SVOPL: variants seen among roughly 807,000 people sequenced by gnomAD.
SVOPL encodes the protein SVOP like.
A neutral mutation model predicts 61.0 loss-of-function variants in SVOPL; 60 were observed. The observed-to-expected ratio is 0.98, with a 90% CI of 0.80 to 1.22. SVOPL has a LOEUF of 1.22. Among genes scored for constraint, SVOPL ranks in the 50% most tolerant of loss-of-function variants. SVOPL has a pLI of 0.00. For missense variants in SVOPL, 662 were observed against 643.9 expected, an observed-to-expected ratio of 1.03 and a Z score of -0.30; for synonymous variants, 279 against 250.0, an observed-to-expected ratio of 1.12 and a Z score of -1.09.
intron 3 of SVOPL, among the ~76,000 whole-genome samples, chr7:138,674,163 G>A (rs902024626): frequency 6.6e-6 from 1 of 151,220 alleles, no homozygotes; most frequent in Middle Eastern, 3.4e-3. Context: ...ACTCCAGCCT[G>A]AGCAACAGAA....
At chr7:138,600,351 G>T (rs755915092) in intron 14 of SVOPL, among the ~76,000 whole-genome samples, 1 of 152,170 alleles carries the variant, frequency 6.6e-6, no homozygotes, top group African/African-American at 2.4e-5. Flanking sequence ...TAACTGTAGA[G>T]CTTTGGGCAG....
intron 9 of SVOPL, among the ~76,000 whole-genome samples, chr7:138,633,653 C>T (rs183543563): frequency 4.2e-4 from 64 of 152,180 alleles, no homozygotes; most frequent in Non-Finnish European, 7.2e-4. Flanking sequence ...CACACTGCTC[C>T]AGTTATAATA....
At chr7:138,629,807 T>C (rs565532583) in intron 10 of SVOPL, among the ~76,000 whole-genome samples, 1 of 152,292 alleles carries the variant, frequency 6.6e-6, no homozygotes, top group East Asian at 1.9e-4. Flanking sequence ...ACTCATATGC[T>C]CACAAGAAAA....
chr7:138,641,823 TATATATATATAAC>T (rs1399734914), intron 9 of SVOPL, among the ~76,000 whole-genome samples: 17 of 139,690 alleles, frequency 1.2e-4, no homozygotes, highest in South Asian at 4.6e-4. Flanking sequence ...GTTATATATA[TATATATATATAAC>T]ATATATATAT....
intron 5 of SVOPL, chr7:138,661,524 G>A (rs1802000267): frequency 3.0e-6 from 3 of 985,220 alleles, no homozygotes; most frequent in Non-Finnish European, 3.6e-6. Flanking sequence ...ATTTCATTTT[G>A]TTTTTCTTAC....
chr7:138,681,234 A>G (rs1344696574), intron 1 of SVOPL, among the ~76,000 whole-genome samples: 3 of 148,292 alleles, frequency 2.0e-5, no homozygotes, highest in Non-Finnish European at 4.5e-5. Context: ...ATTATTATAT[A>G]ACATATATAA....
intron 4 of SVOPL, among the ~76,000 whole-genome samples, chr7:138,670,387 A>G (rs1490608184): frequency 2.6e-5 from 4 of 151,930 alleles, no homozygotes; most frequent in Non-Finnish European, 5.9e-5. Context: ...TTCCCCAATT[A>G]CTCCTGTAAA....
chr7:138,684,133 G>A (rs186586016), intron 1 of SVOPL, among the ~76,000 whole-genome samples: 1 of 151,912 alleles, frequency 6.6e-6, no homozygotes, highest in Non-Finnish European at 1.5e-5. Flanking sequence ...GGGAGGCCGA[G>A]GCAGGCAGAT....
At chr7:138,633,691 G>A (rs1018436785) in intron 9 of SVOPL, among the ~76,000 whole-genome samples, 2 of 149,170 alleles carry the variant, frequency 1.3e-5, no homozygotes, top group Non-Finnish European at 2.9e-5. Flanking sequence ...AATAATGGCG[G>A]TAACACTCCA....
intron 14 of SVOPL, among the ~76,000 whole-genome samples, chr7:138,618,466 C>T (rs1799399044): frequency 6.6e-6 from 1 of 152,054 alleles, no homozygotes; most frequent in Admixed American, 6.6e-5. Flanking sequence ...TTGAGACCAG[C>T]CTGGCCAACA....
At chr7:138,618,040 C>T (rs111825441) in intron 14 of SVOPL, among the ~76,000 whole-genome samples, 7,064 of 152,192 alleles carry the variant, frequency 0.046, 206 homozygotes, top group Middle Eastern at 0.11. Flanking sequence ...CTCACACCAC[C>T]CTAAACCGAG....
intron 6 of SVOPL, 91 bp downstream of exon 6, chr7:138,659,773 A>T: frequency 8.0e-7 from 1 of 1,253,978 alleles, no homozygotes; most frequent in Admixed American, 2.5e-5. Context: ...TGGGTTCACA[A>T]TGCTTTTGGT....
rs1802626729 is a variant in SVOPL at position 138,678,498 on chromosome 7, G to A, written c.110C>T (p.Ala37Val). The change falls in exon 3 of 16, where the codon GCA becomes GTA. Residue 37 changes from alanine to valine, a missense_variant. By Grantham distance (64) the Ala-to-Val change is moderately conservative. Transcript: ENST00000674285. ...KEPKTFTVED[A>V]VETIGFGRFH... is the part of the protein sequence containing the mutation. ...ACGCCCGAAGCCGATAGTCTCCACT[G>A]CATCTTCCACGGTGAACGTCTTTGG... 1.3e-6 allele frequency: 2 copies of A among 1,552,168 alleles called. No individual in the cohort carries two copies. The highest frequency in any genetic ancestry group is 4.9e-5 in the East Asian group (2 of 40,924).
At chr7:138,664,219 G>T (rs934178356) in intron 4 of SVOPL, 7 of 912,642 alleles carry the variant, frequency 7.7e-6, no homozygotes, top group African/African-American at 4.1e-5. Context: ...CCTGGAAGAC[G>T]TCCTGCCTCC....
chr7:138,596,598 AAG>A, intron 14 of SVOPL, 68 bp from the exon 15 acceptor site: 1 of 1,560,476 alleles, frequency 6.4e-7, no homozygotes, highest in South Asian at 1.2e-5. Context: ...CTTTATGTGA[AAG>A]AGAAAATACA....
intron 1 of SVOPL, among the ~76,000 whole-genome samples, chr7:138,691,946 T>C (rs1162769992): frequency 6.6e-6 from 1 of 151,062 alleles, no homozygotes; most frequent in African/African-American, 2.4e-5. Flanking sequence ...GACTCCTGAG[T>C]AGCTGAGATT....
At chr7:138,659,227 C>T (rs1801889498) in intron 6 of SVOPL, among the ~76,000 whole-genome samples, 1 of 152,190 alleles carries the variant, frequency 6.6e-6, no homozygotes, top group East Asian at 1.9e-4. Context: ...CACAGTGACT[C>T]ACACCTATAA....
In SVOPL at chr7:138,644,700, C is replaced by A; in HGVS notation, c.789+17G>T. 1 of 1,612,774 alleles carries A rather than the reference C, an allele frequency of 6.2e-7. No homozygotes were observed. Among genetic ancestry groups the A allele is most frequent in the Non-Finnish European group, 8.5e-7 (1 of 1,179,324 alleles). On this transcript the variant is annotated intron_variant, in intron 9 of 15. Coordinates refer to ENST00000674285, the MANE Select transcript of SVOPL (RefSeq NM_001139456.2). ...GGCCACTGGTGATAGGAGAAGACCT[C>A]GGGGGCCAGCACTCACCAGGACGGG...
chr7:138,628,213 CAT>C lies in SVOPL; in HGVS notation c.1012_1013del (p.Met338ValfsTer5). On this transcript the variant is annotated frameshift_variant, in exon 11 of 16. Coordinates refer to ENST00000674285, the MANE Select transcript of SVOPL (RefSeq NM_001139456.2). LOFTEE classifies it high-confidence loss of function. ...GESQSPCYCH[M>X]FAPSDYRTMI... ...TGGTCCGATAGTCAGAGGGTGCAAA[CAT>C]GTGGCAGTAGCAGGGGCTCTGGCTC... 2 of 1,614,198 alleles carry C rather than the reference CAT, an allele frequency of 1.2e-6. No individual in the cohort carries two copies. Among genetic ancestry groups the C allele is most frequent in the African/African-American group, 1.3e-5 (1 of 75,054 alleles).
Sources: gnomAD v4.1 joint callset for allele counts (sites outside exome capture counted in the v4.1 genomes callset) on GRCh38, gnomAD v4.1.1 for gene constraint, MANE v1.5 for transcripts, NCBI Gene and HGNC (gene_info 2026-07-23, HGNC 2026-07-21) for gene names.